The following RYR3 variants were observed in gnomAD, a reference collection of about 807,000 sequenced individuals.
RYR3 encodes ryanodine receptor 3, also known as brain ryanodine receptor-calcium release channel.
Under a neutral mutation model 584.3 loss-of-function variants are expected in RYR3, and 207 were observed. That is an observed-to-expected ratio of 0.35 (90% CI 0.32 to 0.40). The LOEUF (loss-of-function observed/expected upper bound fraction) is 0.40, where lower values mean the gene tolerates loss of function less well. Among genes scored for constraint, RYR3 ranks in the 10% least tolerant of loss-of-function variants. The pLI is 1.00. For missense variants in RYR3, 5,616 were observed against 6,089.2 expected, an observed-to-expected ratio of 0.92 and a Z score of 2.59; for synonymous variants, 2,416 against 2,248.5, an observed-to-expected ratio of 1.07 and a Z score of -2.11.
In RYR3 at chr15:33,838,458, G is replaced by A; in HGVS notation, c.12478G>A (p.Ala4160Thr). The A allele has an allele frequency of 6.2e-7, 1 of 1,614,022 alleles. No individual in the cohort carries two copies. Among genetic ancestry groups the A allele is most frequent in the Non-Finnish European group, 8.5e-7 (1 of 1,179,898 alleles). Residue 4160 changes from alanine to threonine, a missense_variant, in exon 89 of 104, where the codon GCA (alanine) becomes ACA (threonine). This residue lies in a region of RYR3 where 918 missense variants were observed against 887.4 expected (regional missense o/e 1.03). Coordinates refer to ENST00000634891, the MANE Select transcript of RYR3 (RefSeq NM_001036.6). ...GAATGTCACCGACTTCCTGAAGAGA[G>A]CAACCCTGAAGAACCTCAGGAAGCA... is the stretch of plus-strand genomic sequence containing the variant. ...KRNVTDFLKR[A>T]TLKNLRKQYR...
intron 1 of RYR3, among the ~76,000 whole-genome samples, chr15:33,457,927 C>A (rs572262197): frequency 6.6e-6 from 1 of 152,104 alleles, no homozygotes; most frequent in African/African-American, 2.4e-5. Context: ...TGTCATGGAG[C>A]GGTTTGGGAG....
chr15:33,670,387 T>G (rs746163570), intron 37 of RYR3, 32 bp from the exon 38 acceptor site: 1 of 1,610,698 alleles, frequency 6.2e-7, no homozygotes, highest in Non-Finnish European at 8.5e-7. Flanking sequence ...ATGCACTGCT[T>G]TGGATTTTCA....
At chr15:33,826,319 G>A (rs1420647186) in intron 83 of RYR3, 50 bp downstream of exon 83, 3 of 1,588,982 alleles carry the variant, frequency 1.9e-6, no homozygotes, top group South Asian at 1.1e-5. Context: ...AATCCTAGGA[G>A]ATCTCATTTA....
At chr15:33,417,313 T>A (rs2043886819) in intron 1 of RYR3, among the ~76,000 whole-genome samples, 1 of 152,204 alleles carries the variant, frequency 6.6e-6, no homozygotes, top group African/African-American at 2.4e-5. Context: ...ATTCTTCCTA[T>A]TCATGAGCAT....
At chr15:33,639,851 C>T (rs1036068159) in intron 27 of RYR3, among the ~76,000 whole-genome samples, 1 of 152,238 alleles carries the variant, frequency 6.6e-6, no homozygotes, top group Non-Finnish European at 1.5e-5. Flanking sequence ...ACCATCACAG[C>T]TCTCAGTGTT....
intron 1 of RYR3, among the ~76,000 whole-genome samples, chr15:33,457,062 A>C (rs552579512): frequency 3.9e-5 from 6 of 152,342 alleles, no homozygotes; most frequent in African/African-American, 1.4e-4. Flanking sequence ...GTATTATTTG[A>C]CATTGTATAA....
chr15:33,442,177 A>G (rs1414839457), intron 1 of RYR3, among the ~76,000 whole-genome samples: 1 of 152,224 alleles, frequency 6.6e-6, no homozygotes, highest in Non-Finnish European at 1.5e-5. Context: ...TCACATTTCT[A>G]TGTGAAAGTT....
chr15:33,367,419 G>T (rs1055174608), intron 1 of RYR3, among the ~76,000 whole-genome samples: 9 of 152,116 alleles, frequency 5.9e-5, no homozygotes, highest in African/African-American at 1.9e-4. Context: ...TAAAAATACA[G>T]TTGGTTTAGT....
chr15:33,581,045 C>T (rs1182221039), intron 13 of RYR3, among the ~76,000 whole-genome samples: 1 of 24,890 alleles, frequency 4.0e-5, no homozygotes, highest in East Asian at 9.9e-4. Flanking sequence ...TTGCAGGGGG[C>T]CGGGGGGGTG....
chr15:33,852,780 T>A (rs2079237789), intron 94 of RYR3: 1 of 379,352 alleles, frequency 2.6e-6, no homozygotes, highest in African/African-American at 2.1e-5. Flanking sequence ...GTCATCACAA[T>A]TCTTGGCTCC....
chr15:33,748,725 T>C (rs1333099276), intron 55 of RYR3, among the ~76,000 whole-genome samples, 195 bp downstream of exon 55: 2 of 152,156 alleles, frequency 1.3e-5, no homozygotes, highest in African/African-American at 4.8e-5. Flanking sequence ...GGGGAGGCTT[T>C]GCGCTTCTTC....
chr15:33,512,447 G>T (rs2053117084), intron 3 of RYR3, among the ~76,000 whole-genome samples: 1 of 152,200 alleles, frequency 6.6e-6, no homozygotes, highest in African/African-American at 2.4e-5. Flanking sequence ...CCACAGAATA[G>T]ATTTTTAAAG....
At chr15:33,578,040 C>T (rs988736671) in intron 12 of RYR3, among the ~76,000 whole-genome samples, 2 of 152,158 alleles carry the variant, frequency 1.3e-5, no homozygotes, top group Non-Finnish European at 2.9e-5. Context: ...TAGAGAAATG[C>T]AAGTCAAAAC....
At chr15:33,805,891 CTCT>C (rs1334355146) in intron 69 of RYR3, among the ~76,000 whole-genome samples, 5 of 151,948 alleles carry the variant, frequency 3.3e-5, no homozygotes, top group Admixed American at 2.6e-4. Flanking sequence ...CACACTCATC[CTCT>C]TCTTCTCCTC....
At chr15:33,729,472 C>T (rs2068758039) in intron 47 of RYR3, among the ~76,000 whole-genome samples, 1 of 152,114 alleles carries the variant, frequency 6.6e-6, no homozygotes, top group South Asian at 2.1e-4. Flanking sequence ...TGGCTGGCAA[C>T]ATTATAGGCT....
Position 33,853,060 on chromosome 15 carries a change from C to T in RYR3, c.13644C>T (p.Asn4548=). The T allele has an allele frequency of 6.2e-7, 1 of 1,605,682 alleles. No individual in the cohort carries two copies. The highest frequency in any genetic ancestry group is 8.5e-7 in the Non-Finnish European group (1 of 1,176,802). Residue 4548 remains asparagine, a synonymous_variant, in exon 95 of 104, where the codon AAC becomes AAT. Transcript: ENST00000634891. ...TGTTTTTCAGATCTTTTCCTAATAA[C>T]TACTGGGACAAGTTTGTAAAGAGAA... The part of the protein sequence containing the change: ...LVINTPSFPN[N]YWDKFVKRKV...
At chr15:33,734,155 AG>A (rs1486498238) in intron 48 of RYR3, among the ~76,000 whole-genome samples, 2 of 152,184 alleles carry the variant, frequency 1.3e-5, no homozygotes, top group African/African-American at 2.4e-5. Context: ...GGCCCCAAAA[AG>A]GGTTTTCTCC....
intron 1 of RYR3, among the ~76,000 whole-genome samples, chr15:33,323,600 A>T (rs755906007): frequency 2.6e-5 from 4 of 152,076 alleles, no homozygotes; most frequent in Non-Finnish European, 4.4e-5. Context: ...TAAGTCAATT[A>T]ATTGAGAAAA....
At chr15:33,432,811 C>T (rs186979156) in intron 1 of RYR3, among the ~76,000 whole-genome samples, 79 of 151,832 alleles carry the variant, frequency 5.2e-4, no homozygotes, top group Non-Finnish European at 9.9e-4. Flanking sequence ...TGAGGCACCG[C>T]GACTGGCTGA....
Sources: allele counts gnomAD v4.1 joint callset (sites outside exome capture counted in the v4.1 genomes callset), GRCh38; gene constraint gnomAD v4.1.1; regional missense constraint gnomAD v4.1.1; transcripts MANE v1.5; gene names NCBI Gene and HGNC (gene_info 2026-07-23, HGNC 2026-07-21).